The following GABPA variants were observed in gnomAD, a reference collection of about 807,000 sequenced individuals.
GABPA encodes the protein GA-binding protein alpha chain.
In GABPA, 4 loss-of-function variants were observed where a neutral mutation model predicts 59.4. The observed-to-expected ratio is 0.07, with a 90% CI of 0.03 to 0.15. The LOEUF (loss-of-function observed/expected upper bound fraction) is 0.15. Ranked by LOEUF, GABPA falls within the 10% of genes least tolerant of loss-of-function variation. The pLI, the probability that GABPA is intolerant of heterozygous loss-of-function variation, is 1.00. For synonymous variants in GABPA, 164 were observed against 183.1 expected (o/e 0.90, Z 0.84); for missense variants, 251 against 543.8 (o/e 0.46, Z 5.36).
At chr21:25,735,790 G>GCGGGGGGCGAGCGGCCTGGAGCC (rs2035032135) in intron 1 of GABPA, 1 of 151,014 alleles carries the variant, frequency 6.6e-6, no homozygotes, top group Non-Finnish European at 1.5e-5. Flanking sequence ...AAGGGGAGGG[G>GCGGGGGGCGAGCGGCCTGGAGCC]CGGGGGGCGA....
intron 6 of GABPA, among the ~76,000 whole-genome samples, chr21:25,758,445 A>G (rs2035688566): frequency 6.6e-6 from 1 of 152,194 alleles, no homozygotes; most frequent in Non-Finnish European, 1.5e-5. Context: ...AGAGCCCCAT[A>G]AAGTCACAGC....
intron 8 of GABPA, 45 bp from the exon 9 acceptor site, chr21:25,764,550 A>G: frequency 6.4e-7 from 1 of 1,552,964 alleles, no homozygotes; most frequent in Non-Finnish European, 8.8e-7. Context: ...CCTTGGGCTA[A>G]TCTATAACAC....
In GABPA at chr21:25,769,266, T is replaced by C; in HGVS notation, c.*34T>C. On this transcript the variant is annotated 3_prime_UTR_variant, in exon 10 of 10. Coordinates refer to ENST00000400075, the MANE Select transcript of GABPA (RefSeq NM_002040.4). Reference sequence around the variant, plus strand: ...ACATTCTGAGACTCCAAAGTCTTTCTTAAAATGTTTAGAGCAAGTATAGCT... The same window carrying C: ...ACATTCTGAGACTCCAAAGTCTTTCCTAAAATGTTTAGAGCAAGTATAGCT... 7.5e-7 allele frequency: 1 copy of C among 1,337,330 alleles called. No homozygotes were observed. Among genetic ancestry groups the C allele is most frequent in the Non-Finnish European group, 1.1e-6 (1 of 930,490 alleles). 82.8% of individuals were successfully genotyped at this position (1,337,330 alleles called of 1,614,324 possible).
At chr21:25,738,146 A>C (rs1359671807) in intron 1 of GABPA, among the ~76,000 whole-genome samples, 4 of 152,210 alleles carry the variant, frequency 2.6e-5, no homozygotes, top group African/African-American at 9.6e-5. Context: ...TGTACACCAC[A>C]TCTCCAGAGA....
At chr21:25,761,428 C>T (rs2035762995) in intron 6 of GABPA, among the ~76,000 whole-genome samples, 3 of 152,168 alleles carry the variant, frequency 2.0e-5, no homozygotes. Flanking sequence ...ACCCTCAAAG[C>T]TCCCATCTGA....
chr21:25,771,056 T>C lies in GABPA; in HGVS notation c.*1824T>C, dbSNP rs779767749. Reference sequence around the variant, plus strand: ...AGAAGCTCTAACGTCAGGTAACAAATAGACAGCAAGAAAGGTTTTGCACCA... The same window carrying C: ...AGAAGCTCTAACGTCAGGTAACAAACAGACAGCAAGAAAGGTTTTGCACCA... On this transcript the variant is annotated 3_prime_UTR_variant, in exon 10 of 10. Coordinates refer to ENST00000400075, the MANE Select transcript of GABPA (RefSeq NM_002040.4). The C allele has an allele frequency of 6.6e-6, 1 of 151,982 alleles. No individual in the cohort carries two copies. The highest frequency in any genetic ancestry group is 1.5e-5 in the Non-Finnish European group (1 of 67,886). 9.4% of individuals were successfully genotyped at this position (151,982 alleles called of 1,614,324 possible). A position where few individuals can be genotyped will look rare whatever the true frequency, so the allele number is the denominator to read the frequency against.
intron 3 of GABPA, 41 bp from the exon 4 acceptor site, chr21:25,748,995 G>C: frequency 8.2e-7 from 1 of 1,221,238 alleles, no homozygotes; most frequent in South Asian, 1.2e-5. Flanking sequence ...TTAATCTAAT[G>C]ATTGCACTGA....
Position 25,752,143 on chromosome 21 carries a change from C to G in GABPA, c.462C>G (p.Thr154=). The G allele has an allele frequency of 6.2e-7, 1 of 1,609,372 alleles. No homozygotes were observed. Among genetic ancestry groups the G allele is most frequent in the South Asian group, 1.1e-5 (1 of 90,934 alleles). Reference sequence around the variant, plus strand: ...TTGATGGCACAAAACACATCACAACCATTTCAGATGAAACTTCAGAACAAG... The same window carrying G: ...TTGATGGCACAAAACACATCACAACGATTTCAGATGAAACTTCAGAACAAG... ...ITLDGTKHIT[T]ISDETSEQVT... Residue 154 remains threonine, a synonymous_variant, in exon 5 of 10, where the codon ACC becomes ACG. Coordinates refer to ENST00000400075, the MANE Select transcript of GABPA (RefSeq NM_002040.4).
chr21:25,739,545 C>T (rs2035165571), intron 1 of GABPA, among the ~76,000 whole-genome samples: 1 of 152,082 alleles, frequency 6.6e-6, no homozygotes, highest in African/African-American at 2.4e-5. Flanking sequence ...CACAGCTAAC[C>T]GGCAGATCTT....
chr21:25,741,719 T>G (rs778001362), intron 2 of GABPA, 44 bp downstream of exon 2: 4 of 1,258,850 alleles, frequency 3.2e-6, no homozygotes, highest in Non-Finnish European at 4.6e-6. Flanking sequence ...AATATCAATA[T>G]ACCTAATTAA....
intron 5 of GABPA, among the ~76,000 whole-genome samples, chr21:25,757,588 C>G (rs1447187210): frequency 6.6e-6 from 1 of 152,022 alleles, no homozygotes; most frequent in Non-Finnish European, 1.5e-5. Context: ...GGATATGGTT[C>G]ATAGTTTGGA....
rs1246361496 is a variant in GABPA at position 25,770,725 on chromosome 21, A to T, written c.*1493A>T. 2 of 152,106 alleles carry T rather than the reference A, an allele frequency of 1.3e-5. No homozygotes were observed. The highest frequency in any genetic ancestry group is 2.4e-5 in the African/African-American group (1 of 41,466). The allele number at this position is 152,106 out of a possible 1,614,324, so 9.4% of individuals were successfully genotyped here. Reference sequence around the variant, plus strand: ...ATAATACAGGCAAGATGGCATTGTTAGCAATTCTGGTAGTGGTTTGGAATG... The same window carrying T: ...ATAATACAGGCAAGATGGCATTGTTTGCAATTCTGGTAGTGGTTTGGAATG... On this transcript the variant is annotated 3_prime_UTR_variant, in exon 10 of 10. Transcript: ENST00000400075.
chr21:25,743,624 T>G (rs1601114755), intron 2 of GABPA, among the ~76,000 whole-genome samples: 1 of 152,114 alleles, frequency 6.6e-6, no homozygotes. Context: ...ACTTTAGATA[T>G]TTGAGGTCTT....
intron 5 of GABPA, 25 bp from the exon 6 acceptor site, chr21:25,757,985 C>T (rs753652012): frequency 6.8e-7 from 1 of 1,474,818 alleles, no homozygotes; most frequent in Admixed American, 2.2e-5. Flanking sequence ...TGGAACTAGG[C>T]TAAAGTGAAT....
chr21:25,746,898 C>T (rs2035380528), intron 3 of GABPA, among the ~76,000 whole-genome samples: 1 of 152,046 alleles, frequency 6.6e-6, no homozygotes, highest in Admixed American at 6.6e-5. Flanking sequence ...CTCAAATGTT[C>T]CAAAAATGAG....
intron 7 of GABPA, among the ~76,000 whole-genome samples, chr21:25,763,542 T>C (rs1428971358): frequency 1.3e-5 from 2 of 152,210 alleles, no homozygotes; most frequent in Non-Finnish European, 2.9e-5. Flanking sequence ...TTTATTACTG[T>C]CTGCATATTT....
chr21:25,743,436 T>C (rs1305218970), intron 2 of GABPA, among the ~76,000 whole-genome samples: 1 of 152,182 alleles, frequency 6.6e-6, no homozygotes, highest in Non-Finnish European at 1.5e-5. Context: ...GTCTAAAGTA[T>C]GTACTATCTG....
In GABPA at chr21:25,752,037, C is replaced by G. The variant is rs780111256; in HGVS notation, c.356C>G (p.Thr119Ser). 1 of 1,611,006 alleles carries G rather than the reference C, an allele frequency of 6.2e-7. No individual in the cohort carries two copies. The highest frequency in any genetic ancestry group is 1.7e-5 in the Admixed American group (1 of 59,958). ...CTTGAAATTGTTAAACCTGCGGACA[C>G]TGTTGAGGTTGTTATTGATCCAGAT... ...NILEIVKPAD[T>S]VEVVIDPDAH... Residue 119 changes from threonine to serine, a missense_variant, in exon 5 of 10, where the codon ACT becomes AGT. Coordinates refer to ENST00000400075, the MANE Select transcript of GABPA (RefSeq NM_002040.4).
At chr21:25,765,072 A>G (rs566866789) in intron 9 of GABPA, among the ~76,000 whole-genome samples, 4 of 151,972 alleles carry the variant, frequency 2.6e-5, no homozygotes, top group South Asian at 4.1e-4. Flanking sequence ...TATTATTTGC[A>G]TAGATGAATT....
Sources: gnomAD v4.1 joint callset for allele counts (sites outside exome capture counted in the v4.1 genomes callset) on GRCh38, gnomAD v4.1.1 for gene constraint, MANE v1.5 for transcripts, NCBI Gene and HGNC (gene_info 2026-07-23, HGNC 2026-07-21) for gene names.